The following DNASE1L3 variants were observed in gnomAD, a reference collection of about 807,000 sequenced individuals.
DNASE1L3 encodes deoxyribonuclease gamma.
DNASE1L3 carries 27 observed loss-of-function variants against 30.9 expected under a neutral mutation model. The observed-to-expected ratio is 0.87, with a 90% CI of 0.64 to 1.20. DNASE1L3 has a LOEUF of 1.20. Among genes scored for constraint, DNASE1L3 ranks in the 50% most tolerant of loss-of-function variants. The pLI is 0.00. For synonymous variants in DNASE1L3, 135 were observed against 138.0 expected, an observed-to-expected ratio of 0.98 and a Z score of 0.15; for missense variants, 364 against 378.2, an observed-to-expected ratio of 0.96 and a Z score of 0.31.
Position 58,197,052 on chromosome 3 carries a change from G to T in DNASE1L3, c.704+769C>A, listed in dbSNP as rs114076687. 6.6e-6 allele frequency among the ~76,000 whole-genome samples: 1 copy of T among 152,184 alleles called. No homozygotes were observed. The highest frequency in any genetic ancestry group is 6.5e-5 in the Admixed American group (1 of 15,278). On this transcript the variant is annotated intron_variant, in intron 6 of 7. Transcript: ENST00000394549. The surrounding 1 kb of genome is among the most constrained non-coding windows in gnomAD (Gnocchi z 5.3). ...CAATGCCTAATGATGGGGATTGGGC[G>T]CATCAATTGCGGTAAGTCTTTGTGA...
chr3:58,206,467 G>A (rs544194368), intron 2 of DNASE1L3, among the ~76,000 whole-genome samples: 1 of 152,284 alleles, frequency 6.6e-6, no homozygotes, highest in African/African-American at 2.4e-5. Flanking sequence ...CCACTTTGGG[G>A]AGACTGGCCC....
chr3:58,193,422 T>C lies in DNASE1L3; in HGVS notation c.722A>G (p.Gln241Arg). The C allele has an allele frequency of 6.2e-7, 1 of 1,613,832 alleles. No homozygotes were observed. Among genetic ancestry groups the C allele is most frequent in the Admixed American group, 1.7e-5 (1 of 60,016 alleles). The change falls in exon 7 of 8, where the codon CAA becomes CGA. Residue 241 changes from glutamine (Q) to arginine (R), a missense_variant. Gln to Arg is a conservative substitution (Grantham distance 43). Coordinates refer to ENST00000394549, the MANE Select transcript of DNASE1L3 (RefSeq NM_004944.4). ...GGGAACAACAGAACTGACGATTTCT[T>C]GTCCTCTAAGCACAATCCTGGAACA... ...CAYDRIVLRGQEIVSSVVPKS... is the reference protein window; with the variant it reads ...CAYDRIVLRGREIVSSVVPKS...
At chr3:58,196,987 T>G (rs1326238721) in intron 6 of DNASE1L3, among the ~76,000 whole-genome samples, 1 of 152,234 alleles carries the variant, frequency 6.6e-6, no homozygotes, top group East Asian at 1.9e-4. Context: ...AGGATATTGA[T>G]TTTAGCAGTA....
rs768456171 is a variant in DNASE1L3, at chr3:58,193,425, C to T, written c.719G>A (p.Gly240Glu). ...AACAACAGAACTGACGATTTCTTGT[C>T]CTCTAAGCACAATCCTGGAACAAGG... ...NCAYDRIVLRGQEIVSSVVPK... is the reference protein window; with the variant it reads ...NCAYDRIVLREQEIVSSVVPK... Residue 240 changes from glycine to glutamate, a missense_variant, in exon 7 of 8, where the codon GGA becomes GAA. By Grantham distance (98) the Gly-to-Glu change is moderately conservative. Coordinates refer to ENST00000394549, the MANE Select transcript of DNASE1L3 (RefSeq NM_004944.4). The T allele has an allele frequency of 6.2e-7, 1 of 1,613,196 alleles. No homozygotes were observed. The highest frequency in any genetic ancestry group is 8.5e-7 in the Non-Finnish European group (1 of 1,179,272).
At chr3:58,193,759 G>A (rs1327339738) in intron 6 of DNASE1L3, among the ~76,000 whole-genome samples, 2 of 152,194 alleles carry the variant, frequency 1.3e-5, no homozygotes, top group East Asian at 3.8e-4. Flanking sequence ...TGAGAACGCT[G>A]TTCCTTTTTC....
intron 1 of DNASE1L3, 102 bp downstream of exon 1, chr3:58,210,664 C>A: frequency 1.3e-6 from 2 of 1,561,910 alleles, no homozygotes; most frequent in Non-Finnish European, 1.7e-6. Context: ...TCTACATTCC[C>A]CCTAAGGGCC....
intron 5 of DNASE1L3, 105 bp from the exon 6 acceptor site, chr3:58,198,083 G>A: frequency 7.7e-7 from 1 of 1,291,922 alleles, no homozygotes; most frequent in Non-Finnish European, 1.0e-6. Context: ...TAAACAACAG[G>A]GTCTGTTATG....
intron 3 of DNASE1L3, 45 bp downstream of exon 3, chr3:58,205,426 C>T (rs182878490): frequency 9.8e-6 from 15 of 1,524,926 alleles, no homozygotes; most frequent in African/African-American, 5.5e-5. Flanking sequence ...ATTCAATTCA[C>T]GATTTATTGG....
At chr3:58,201,474 T>G (rs1490915928) in intron 4 of DNASE1L3, among the ~76,000 whole-genome samples, 1 of 152,256 alleles carries the variant, frequency 6.6e-6, no homozygotes, top group African/African-American at 2.4e-5. Flanking sequence ...TCTCCTTGCT[T>G]TGTGCTAATA....
Position 58,197,414 on chromosome 3 carries a change from T to G in DNASE1L3, c.704+407A>C, listed in dbSNP as rs2097398049. ...CCAGTAGAGGGGCCTGACATTTAAT[T>G]GACTCAGCTCTGCAAGCAGTGTGCT... On this transcript the variant is annotated intron_variant, in intron 6 of 7. Coordinates refer to ENST00000394549, the MANE Select transcript of DNASE1L3 (RefSeq NM_004944.4). This position sits in a 1 kb window ranked among gnomAD's most constrained non-coding sequence, Gnocchi z 5.3. Among the ~76,000 whole-genome samples, 1 of 152,164 alleles carries G rather than the reference T, an allele frequency of 6.6e-6. No homozygotes were observed. Among genetic ancestry groups the G allele is most frequent in the African/African-American group, 2.4e-5 (1 of 41,444 alleles).
Position 58,204,763 on chromosome 3 carries a change from T to C in DNASE1L3, c.433+6A>G. On this transcript the variant is annotated splice_donor_region_variant and intron_variant, in intron 4 of 7. Transcript: ENST00000394549. ...TCCCAGACAGAAAGGCCTGTGTGGG[T>C]CTTACCAGTGTGGGGAGATTGGAAC... 1 of 1,613,628 alleles carries C rather than the reference T, an allele frequency of 6.2e-7. No homozygotes were observed. The highest frequency in any genetic ancestry group is 8.5e-7 in the Non-Finnish European group (1 of 1,179,620).
intron 1 of DNASE1L3, among the ~76,000 whole-genome samples, chr3:58,209,312 T>C (rs3772989): frequency 0.45 from 68,403 of 151,896 alleles, 15,784 homozygotes; most frequent in African/African-American, 0.55. Flanking sequence ...CAAGCCCCCA[T>C]GATGGACTCA....
chr3:58,196,772 C>G (rs1311036320), intron 6 of DNASE1L3, among the ~76,000 whole-genome samples: 1 of 152,040 alleles, frequency 6.6e-6, no homozygotes, highest in African/African-American at 2.4e-5. Context: ...CCCTCTGTCC[C>G]CATTGAAGGA....
intron 1 of DNASE1L3, 90 bp downstream of exon 1, chr3:58,210,676 A>C: frequency 6.3e-7 from 1 of 1,586,590 alleles, no homozygotes; most frequent in African/African-American, 1.3e-5. Flanking sequence ...CTAAGGGCCA[A>C]CTTTAAGTTC....
intron 5 of DNASE1L3, among the ~76,000 whole-genome samples, chr3:58,198,735 T>C (rs1272846398): frequency 6.6e-6 from 1 of 152,230 alleles, no homozygotes; most frequent in Non-Finnish European, 1.5e-5. Context: ...GGTGTAAATA[T>C]ACGAATGAAT....
intron 2 of DNASE1L3, chr3:58,208,001 C>T (rs2107381793): frequency 2.1e-6 from 1 of 477,588 alleles, no homozygotes; most frequent in South Asian, 5.1e-5. Context: ...TGTGTCCAGA[C>T]CCCTCATCTA....
At position 58,200,620 on chromosome 3, in the gene DNASE1L3, A is replaced by G. The variant is rs559751151; in HGVS notation, c.546+377T>C. On this transcript the variant is annotated intron_variant, in intron 5 of 7. Transcript: ENST00000394549. This position sits in a 1 kb window ranked among gnomAD's most constrained non-coding sequence, Gnocchi z 4.2. ...CAACTGAAACAATCCTGACTGCTCT[A>G]TGCCTTACACTTCTCAATTGCAAAG... 1.3e-5 allele frequency among the ~76,000 whole-genome samples: 2 copies of G among 152,268 alleles called. No individual in the cohort carries two copies. Among genetic ancestry groups the G allele is most frequent in the African/African-American group, 4.8e-5 (2 of 41,544 alleles).
At chr3:58,196,551 TAAAAAAA>T (rs60743972) in intron 6 of DNASE1L3, among the ~76,000 whole-genome samples, 2 of 60,714 alleles carry the variant, frequency 3.3e-5, no homozygotes, top group Non-Finnish European at 3.0e-5. Context: ...AGACTCTGTC[TAAAAAAA>T]AAAAAAAAAA....
intron 4 of DNASE1L3, among the ~76,000 whole-genome samples, chr3:58,202,386 C>T (rs1308679747): frequency 1.5e-5 from 2 of 132,340 alleles, no homozygotes; most frequent in Non-Finnish European, 3.1e-5. Context: ...TGCTCTCAAA[C>T]TCCCAACCTC....
Sources: gnomAD v4.1 joint callset for allele counts (sites outside exome capture counted in the v4.1 genomes callset) on GRCh38, gnomAD v4.1.1 for gene constraint, Gnocchi (gnomAD v3.1) non-coding constraint, MANE v1.5 for transcripts, NCBI Gene and HGNC (gene_info 2026-07-23, HGNC 2026-07-21) for gene names.